ZNF726: variants seen among roughly 807,000 people sequenced by gnomAD.
ZNF726 encodes the protein zinc finger protein 726.
Under a neutral mutation model 11.6 loss-of-function variants are expected in ZNF726, and 15 were observed. The ratio of observed to expected loss-of-function variants is 1.29; its 90% CI spans 0.86 to 1.99. ZNF726 has a LOEUF of 1.99. Among genes scored for constraint, ZNF726 ranks in the 30% most tolerant of loss-of-function variants. ZNF726 has a pLI of 0.00. For missense variants in ZNF726, 890 were observed against 725.6 expected, an observed-to-expected ratio of 1.23 and a Z score of -2.60; for synonymous variants, 295 against 243.6, an observed-to-expected ratio of 1.21 and a Z score of -1.96.
intron 3 of ZNF726, among the ~76,000 whole-genome samples, chr19:23,942,640 C>T (rs1376872538): frequency 6.6e-6 from 1 of 152,086 alleles, no homozygotes; most frequent in Admixed American, 6.6e-5. Flanking sequence ...TTTTGGAGCT[C>T]CAGTGTTAGG....
At chr19:23,943,508 A>G in exon 4 of ZNF726, 1 of 655,380 alleles carries the variant, frequency 1.5e-6, no homozygotes, top group South Asian at 1.7e-5. Context: ...TGCTGTCTCT[A>G]ACCCTGATCT....
Position 23,933,006 on chromosome 19 carries a change from C to T in ZNF726, c.890C>T (p.Pro297Leu), listed in dbSNP as rs921670679. The T allele has an allele frequency of 6.2e-7, 1 of 1,612,570 alleles. No individual in the cohort carries two copies. Among genetic ancestry groups the T allele is most frequent in the Non-Finnish European group, 8.5e-7 (1 of 1,179,854 alleles). Residue 297 changes from proline (P) to leucine (L), a missense_variant, in exon 4 of 4, where the codon CCC (proline) becomes CTC (leucine). Physicochemically the swap from Pro to Leu is moderately conservative, Grantham distance 98. Coordinates refer to ENST00000594466, the MANE Select transcript of ZNF726 (RefSeq NM_001244038.2). ...CEECGKAFSQ[P>L]SALTIHKRMH... Reference sequence around the variant, plus strand: ...GAATGTGGCAAAGCATTTAGCCAACCCTCAGCACTAACCATACATAAGAGG... The same window carrying T: ...GAATGTGGCAAAGCATTTAGCCAACTCTCAGCACTAACCATACATAAGAGG...
At chr19:23,917,945 A>G (rs935323054) in intron 1 of ZNF726, among the ~76,000 whole-genome samples, 1 of 152,188 alleles carries the variant, frequency 6.6e-6, no homozygotes, top group Non-Finnish European at 1.5e-5. Context: ...GAGGGGTTTT[A>G]TTACCTCTAA....
intron 3 of ZNF726, among the ~76,000 whole-genome samples, chr19:23,926,982 AATT>A (rs1283421678): frequency 6.6e-6 from 1 of 152,128 alleles, no homozygotes; most frequent in African/African-American, 2.4e-5. Context: ...TTTATATAAA[AATT>A]ATTATTTTTT....
chr19:23,933,394 G>T lies in ZNF726; in HGVS notation c.1278G>T (p.Lys426Asn). The T allele has an allele frequency of 6.2e-7, 1 of 1,608,702 alleles. No individual in the cohort carries two copies. Among genetic ancestry groups the T allele is most frequent in the Non-Finnish European group, 8.5e-7 (1 of 1,178,724 alleles). Residue 426 changes from lysine to asparagine, a missense_variant, in exon 4 of 4, where the codon AAG becomes AAT. Transcript: ENST00000594466. ...KIIHTGEKPY[K>N]CEECGKAFIW... ...TTCATACTGGAGAGAAACCTTACAAGTGTGAAGAATGCGGCAAAGCGTTTA... is the reference window on the plus strand; with the variant it reads ...TTCATACTGGAGAGAAACCTTACAATTGTGAAGAATGCGGCAAAGCGTTTA...
intron 2 of ZNF726, chr19:23,919,771 G>T: frequency 2.2e-6 from 1 of 452,966 alleles, no homozygotes; most frequent in African/African-American, 2.1e-5. Flanking sequence ...AAATCCAAGT[G>T]CCATTACCAA....
At chr19:23,927,092 C>T (rs1029983443) in intron 3 of ZNF726, among the ~76,000 whole-genome samples, 3 of 152,040 alleles carry the variant, frequency 2.0e-5, no homozygotes, top group Admixed American at 6.6e-5. Flanking sequence ...ATTCTCCTGT[C>T]TCAACTTCCA....
At position 23,914,923 on chromosome 19, in the gene ZNF726, A is replaced by G. The variant is rs1396955327; in HGVS notation, c.-72A>G. The G allele has an allele frequency of 6.8e-6, 11 of 1,608,270 alleles. No individual in the cohort carries two copies. In the Admixed American group the frequency reaches 8.4e-5, roughly 12 times the overall value. The stretch of plus-strand genomic sequence containing the variant: ...GGCCGGAGCTCCAGGTCTCGTCCTC[A>G]CTACTCTGTGTCTTCTGCTTTTAGG... On this transcript the variant is annotated 5_prime_UTR_variant, in exon 1 of 4. Transcript: ENST00000594466.
chr19:23,921,749 TATTA>T (rs530294048), intron 3 of ZNF726, among the ~76,000 whole-genome samples: 2 of 152,222 alleles, frequency 1.3e-5, no homozygotes, highest in Admixed American at 6.5e-5. Flanking sequence ...CAACTGAGTG[TATTA>T]ATTAGTTTAA....
chr19:23,932,458 A>G lies in ZNF726; in HGVS notation c.342A>G (p.Arg114=). The G allele has an allele frequency of 6.3e-7, 1 of 1,576,158 alleles. No homozygotes were observed. The highest frequency in any genetic ancestry group is 8.6e-7 in the Non-Finnish European group (1 of 1,165,328). The change falls in exon 4 of 4, where the codon AGA becomes AGG. Residue 114 remains arginine, a synonymous_variant. Coordinates refer to ENST00000594466, the MANE Select transcript of ZNF726 (RefSeq NM_001244038.2). ...GTGGACATGAGAATTTACAGTTAAG[A>G]AAAGGTTGTAAAAGTGTGGATGAGT... ...EKCGHENLQL[R]KGCKSVDECK... is the part of the protein sequence containing the mutation.
At position 23,932,761 on chromosome 19, in the gene ZNF726, C is replaced by A; in HGVS notation, c.645C>A (p.Thr215=). 3 of 1,612,944 alleles carry A rather than the reference C, an allele frequency of 1.9e-6. No homozygotes were observed. The highest frequency in any genetic ancestry group is 1.3e-5 in the African/African-American group (1 of 74,994). ...ECGKTFNWSS[T]LTNHKKTHTE... ...GAAAAACCTTTAATTGGTCCTCAAC[C>A]CTTACTAATCATAAGAAAACTCATA... Residue 215 remains threonine, a synonymous_variant, in exon 4 of 4, where the codon ACC becomes ACA. Transcript: ENST00000594466.
chr19:23,932,782 T>C lies in ZNF726; in HGVS notation c.666T>C (p.Thr222=). ...WSSTLTNHKK[T]HTEEKPYKCE... Reference sequence around the variant, plus strand: ...CAACCCTTACTAATCATAAGAAAACTCATACTGAAGAAAAGCCCTACAAAT... The same window carrying C: ...CAACCCTTACTAATCATAAGAAAACCCATACTGAAGAAAAGCCCTACAAAT... Residue 222 remains threonine, a synonymous_variant, in exon 4 of 4, where the codon ACT becomes ACC. Coordinates refer to ENST00000594466, the MANE Select transcript of ZNF726 (RefSeq NM_001244038.2). The C allele has an allele frequency of 6.2e-7, 1 of 1,612,052 alleles. No homozygotes were observed. Among genetic ancestry groups the C allele is most frequent in the Non-Finnish European group, 8.5e-7 (1 of 1,179,352 alleles).
In ZNF726 at chr19:23,932,963, A is replaced by G; in HGVS notation, c.847A>G (p.Lys283Glu). ...TIHKRIHTGEKPCKCEECGKA... is the reference protein window; with the variant it reads ...TIHKRIHTGEEPCKCEECGKA... The stretch of plus-strand genomic sequence containing the variant: ...ACATAAGAGGATACATACTGGAGAG[A>G]AACCCTGCAAATGTGAAGAATGTGG... The change falls in exon 4 of 4, where the codon AAA becomes GAA. Residue 283 changes from lysine (K) to glutamate (E), a missense_variant. Lys to Glu is a moderately conservative substitution (Grantham distance 56). Transcript: ENST00000594466. 2 of 1,612,246 alleles carry G rather than the reference A, an allele frequency of 1.2e-6. No individual in the cohort carries two copies. Among genetic ancestry groups the G allele is most frequent in the Non-Finnish European group, 1.7e-6 (2 of 1,179,754 alleles).
At chr19:23,938,719 T>A (rs1196306140), downstream of ZNF726, among the ~76,000 whole-genome samples, 2 of 150,968 alleles carry the variant, frequency 1.3e-5, no homozygotes, top group Non-Finnish European at 3.0e-5. Flanking sequence ...GCAGTTCCCC[T>A]GCCTCAGCCT....
chr19:23,940,309 A>G (rs1454649093), intron 3 of ZNF726, among the ~76,000 whole-genome samples: 1 of 152,046 alleles, frequency 6.6e-6, no homozygotes, highest in Non-Finnish European at 1.5e-5. Context: ...TGCTTTGTTG[A>G]AGATCAGTTG....
chr19:23,916,406 C>T (rs1367167147), intron 1 of ZNF726, among the ~76,000 whole-genome samples: 2 of 151,884 alleles, frequency 1.3e-5, no homozygotes, highest in Admixed American at 1.3e-4. Context: ...GACTTAGGCT[C>T]ACTGCAGCCT....
intron 1 of ZNF726, among the ~76,000 whole-genome samples, chr19:23,917,746 C>T (rs1967739581): frequency 6.6e-6 from 1 of 152,066 alleles, no homozygotes; most frequent in Admixed American, 6.6e-5. Flanking sequence ...GCTTTTCTTA[C>T]TGAGGTATAA....
At chr19:23,941,635 A>G (rs1045607160) in intron 3 of ZNF726, among the ~76,000 whole-genome samples, 1 of 152,072 alleles carries the variant, frequency 6.6e-6, no homozygotes, top group African/African-American at 2.4e-5. Flanking sequence ...TTAAATTACC[A>G]TTTTAATTTC....
chr19:23,934,533 T>C (rs1486520162), downstream of ZNF726: 1 of 362,002 alleles, frequency 2.8e-6, no homozygotes, highest in African/African-American at 2.1e-5. Flanking sequence ...GTTTATTCTG[T>C]TCACTGTTCA....
Sources: allele counts gnomAD v4.1 joint callset (sites outside exome capture counted in the v4.1 genomes callset), GRCh38; gene constraint gnomAD v4.1.1; transcripts MANE v1.5; gene names NCBI Gene and HGNC (gene_info 2026-07-23, HGNC 2026-07-21).